Variants in TRIM33 observed in about 807,000 individuals in gnomAD.
The protein encoded by TRIM33 is tripartite motif containing 33.
TRIM33 carries 20 observed loss-of-function variants against 125.4 expected under a neutral mutation model. The observed-to-expected ratio is 0.16, with a 90% CI of 0.11 to 0.23. The LOEUF (loss-of-function observed/expected upper bound fraction) is 0.23. Ranked by LOEUF, TRIM33 falls within the 10% of genes least tolerant of loss-of-function variation. The pLI, the probability that TRIM33 is intolerant of heterozygous loss-of-function variation, is 1.00. For synonymous variants in TRIM33, 564 were observed against 513.9 expected, an observed-to-expected ratio of 1.10 and a Z score of -1.32; for missense variants, 920 against 1,411.4, an observed-to-expected ratio of 0.65 and a Z score of 5.58.
At chr1:114,455,422 T>C (rs1265211309) in intron 4 of TRIM33, among the ~76,000 whole-genome samples, 1 of 152,148 alleles carries the variant, frequency 6.6e-6, no homozygotes, top group African/African-American at 2.4e-5. Context: ...GGGGCCCCTT[T>C]TGCATGGATA....
At position 114,415,064 on chromosome 1, in the gene TRIM33, G is replaced by A. The variant is rs530145134; in HGVS notation, c.2062-4748C>T. Reference sequence around the variant, plus strand: ...GGCTGGAGTGCAGTGGCACGATCACGGCTCACTGCAACCTTGATCCCCTGG... The same window carrying A: ...GGCTGGAGTGCAGTGGCACGATCACAGCTCACTGCAACCTTGATCCCCTGG... On this transcript the variant is annotated intron_variant, in intron 11 of 19. Coordinates refer to ENST00000358465, the MANE Select transcript of TRIM33 (RefSeq NM_015906.4). Among the ~76,000 whole-genome samples the A allele has an allele frequency of 8.7e-5, 12 of 137,566 alleles. No homozygotes were observed. In the South Asian group the frequency reaches 1.4e-3, roughly 16 times the overall value. The allele number at this position is 137,566 out of a possible 152,430, so 90.2% of individuals were successfully genotyped here.
chr1:114,415,771 T>C (rs1301905569), intron 11 of TRIM33, among the ~76,000 whole-genome samples: 1 of 151,780 alleles, frequency 6.6e-6, no homozygotes, highest in African/African-American at 2.4e-5. Flanking sequence ...GCCAACATGG[T>C]GAAACCCTGT....
chr1:114,453,497 A>T (rs915720366), intron 4 of TRIM33, among the ~76,000 whole-genome samples: 2 of 152,182 alleles, frequency 1.3e-5, no homozygotes, highest in Admixed American at 1.3e-4. Flanking sequence ...CTAAAGTGTA[A>T]GTGGAAGATA....
intron 1 of TRIM33, 144 bp downstream of exon 1, chr1:114,510,407 C>A: frequency 1.4e-6 from 1 of 704,344 alleles, no homozygotes; most frequent in South Asian, 2.7e-5. Context: ...TGGAAAGTGT[C>A]CCAGGGGCGA....
chr1:114,443,868 T>TAA (rs375504053), intron 4 of TRIM33, among the ~76,000 whole-genome samples: 23 of 143,486 alleles, frequency 1.6e-4, no homozygotes, highest in Admixed American at 4.9e-4. Flanking sequence ...CCCTGTTTCT[T>TAA]AAAAAAAAAA....
chr1:114,425,943 C>T (rs961057727), intron 8 of TRIM33, among the ~76,000 whole-genome samples: 1 of 152,150 alleles, frequency 6.6e-6, no homozygotes, highest in Non-Finnish European at 1.5e-5. Context: ...GAAAAATATA[C>T]TCTCTGTCCT....
At chr1:114,402,453 G>C (rs571209876) in intron 16 of TRIM33, among the ~76,000 whole-genome samples, 3 of 152,230 alleles carry the variant, frequency 2.0e-5, no homozygotes, top group South Asian at 4.1e-4. Flanking sequence ...ATTCAATTAA[G>C]GGGAATACTG....
At chr1:114,413,072 TCA>T (rs1169841786) in intron 11 of TRIM33, among the ~76,000 whole-genome samples, 2 of 152,224 alleles carry the variant, frequency 1.3e-5, no homozygotes, top group Admixed American at 1.3e-4. Flanking sequence ...GTGGTACATC[TCA>T]CTGTGGTTTT....
intron 11 of TRIM33, among the ~76,000 whole-genome samples, chr1:114,413,419 A>G (rs1399201629): frequency 6.6e-6 from 1 of 151,834 alleles, no homozygotes; most frequent in African/African-American, 2.4e-5. Flanking sequence ...TTAGCTGTGC[A>G]TGGTGGTGCA....
At chr1:114,413,999 A>G (rs181043301) in intron 11 of TRIM33, among the ~76,000 whole-genome samples, 46 of 150,868 alleles carry the variant, frequency 3.0e-4, no homozygotes, top group Admixed American at 1.0e-3. Context: ...TCTCAAAACA[A>G]AACAAAATAA....
intron 1 of TRIM33, among the ~76,000 whole-genome samples, chr1:114,504,260 GCCTCAGGCAATTCTC>G (rs1652872069): frequency 1.3e-5 from 2 of 152,096 alleles, no homozygotes; most frequent in South Asian, 4.2e-4. Flanking sequence ...GACACTCCGT[GCCTCAGGCAATTCTC>G]CCACTTCAGT....
intron 11 of TRIM33, chr1:114,420,474 G>A: frequency 7.9e-7 from 1 of 1,264,808 alleles, no homozygotes; most frequent in Non-Finnish European, 1.1e-6. Flanking sequence ...TAGAAAGGGA[G>A]TAACTAGCCT....
intron 4 of TRIM33, among the ~76,000 whole-genome samples, chr1:114,446,375 C>T (rs1648978282): frequency 1.3e-5 from 2 of 148,290 alleles, no homozygotes; most frequent in South Asian, 4.2e-4. Flanking sequence ...TAAAAGACAG[C>T]TTTTTTTTTT....
intron 18 of TRIM33, among the ~76,000 whole-genome samples, chr1:114,398,935 A>G (rs1651713206): frequency 6.6e-6 from 1 of 150,980 alleles, no homozygotes; most frequent in African/African-American, 2.4e-5. Context: ...ACAAAACAAA[A>G]AACAAAAAAC....
At chr1:114,469,311 G>C (rs1650496008) in intron 1 of TRIM33, 1 of 181,992 alleles carries the variant, frequency 5.5e-6, no homozygotes, top group Non-Finnish European at 1.2e-5. Context: ...TTTACAACGT[G>C]TGTTGTGGAG....
At chr1:114,506,241 G>A (rs941855079) in intron 1 of TRIM33, among the ~76,000 whole-genome samples, 2 of 151,974 alleles carry the variant, frequency 1.3e-5, no homozygotes, top group Non-Finnish European at 2.9e-5. Flanking sequence ...AAATTAGGTG[G>A]GCATGGTGGC....
chr1:114,482,211 G>A (rs1282326412), intron 1 of TRIM33, among the ~76,000 whole-genome samples: 1 of 152,022 alleles, frequency 6.6e-6, no homozygotes, highest in Non-Finnish European at 1.5e-5. Flanking sequence ...ATGGCCATTA[G>A]GTACCACATT....
At position 114,394,640 on chromosome 1, in the gene TRIM33, AAAT is replaced by A. The variant is rs1216736434; in HGVS notation, c.*3005_*3007del. ...AGAAAGTACCAACTTGTTGATCCAA[AAAT>A]AATAATTTCAATAGTGGATCCAATG... On this transcript the variant is annotated 3_prime_UTR_variant, in exon 20 of 20. Coordinates refer to ENST00000358465, the MANE Select transcript of TRIM33 (RefSeq NM_015906.4). 2 of 205,468 alleles carry A rather than the reference AAAT, an allele frequency of 9.7e-6. No homozygotes were observed. Among genetic ancestry groups the A allele is most frequent in the Non-Finnish European group, 2.0e-5 (2 of 100,344 alleles). 12.7% of individuals were successfully genotyped at this position (205,468 alleles called of 1,614,324 possible).
chr1:114,430,714 A>G, intron 6 of TRIM33, 84 bp downstream of exon 6: 1 of 797,872 alleles, frequency 1.3e-6, no homozygotes, highest in South Asian at 1.4e-5. Context: ...CCCCCAATCC[A>G]TCTAAAATAG....
Sources: allele counts gnomAD v4.1 joint callset (sites outside exome capture counted in the v4.1 genomes callset), GRCh38; gene constraint gnomAD v4.1.1; transcripts MANE v1.5; gene names NCBI Gene and HGNC (gene_info 2026-07-23, HGNC 2026-07-21).